Variants in EPCAM observed in about 807,000 individuals in gnomAD.
EPCAM encodes epithelial cell adhesion molecule, also known as adenocarcinoma-associated antigen.
EPCAM carries 39 observed loss-of-function variants against 40.0 expected under a neutral mutation model. That is an observed-to-expected ratio of 0.98 (90% CI 0.76 to 1.27). EPCAM has a LOEUF of 1.27. Ranked by LOEUF, EPCAM falls within the 50% of genes most tolerant of loss-of-function variation. The pLI, the probability that EPCAM is intolerant of heterozygous loss-of-function variation, is 0.00. For missense variants in EPCAM, 503 were observed against 381.2 expected (o/e 1.32, Z -2.66); for synonymous variants, 168 against 132.3 (o/e 1.27, Z -1.85).
chr2:47,376,828 G>A (rs1671439770), intron 4 of EPCAM, among the ~76,000 whole-genome samples, 186 bp from the exon 5 acceptor site: 1 of 152,144 alleles, frequency 6.6e-6, no homozygotes, highest in Non-Finnish European at 1.5e-5. Context: ...CTGGTACCCA[G>A]CAGTTTGAAT....
At position 47,385,203 on chromosome 2, in the gene EPCAM, A is replaced by T; in HGVS notation, c.896A>T (p.Lys299Met). 1 of 1,612,538 alleles carries T rather than the reference A, an allele frequency of 6.2e-7. No homozygotes were observed. Among genetic ancestry groups the T allele is most frequent in the Non-Finnish European group, 8.5e-7 (1 of 1,178,698 alleles). The change falls in exon 8 of 9, where the codon AAG becomes ATG. Residue 299 changes from lysine (K) to methionine (M), a missense_variant. Physicochemically the swap from Lys to Met is moderately conservative, Grantham distance 95. Transcript: ENST00000263735. ...AAGAAGAGAATGGCAAAGTATGAGA[A>T]GGCTGAGGTAAATGGATTACTTACC... ...SRKKRMAKYE[K>M]AEIKEMGEMH... is the part of the protein sequence containing the mutation.
chr2:47,372,598 C>G (rs1305531145), intron 1 of EPCAM, among the ~76,000 whole-genome samples: 1 of 151,988 alleles, frequency 6.6e-6, no homozygotes, highest in East Asian at 1.9e-4. Flanking sequence ...ATGCTGAAAC[C>G]CCGTCTCTAC....
intron 7 of EPCAM, among the ~76,000 whole-genome samples, chr2:47,382,351 C>T (rs1274069914): frequency 6.6e-6 from 1 of 151,952 alleles, no homozygotes; most frequent in Non-Finnish European, 1.5e-5. Context: ...AACACAAGTG[C>T]AATAAGGAAG....
At chr2:47,376,740 C>G (rs573198526) in intron 4 of EPCAM, among the ~76,000 whole-genome samples, 1 of 152,262 alleles carries the variant, frequency 6.6e-6, no homozygotes, top group African/African-American at 2.4e-5. Context: ...TGTGAAGTTA[C>G]CATTCTCCCT....
In EPCAM at chr2:47,373,853, A is replaced by T. The variant is rs1240280031; in HGVS notation, c.230A>T (p.Lys77Ile). ...ATGAAGGCAGAAATGAATGGCTCAA[A>T]ACTTGGGAGAAGAGCAAAACCTGAA... ...LVMKAEMNGS[K>I]LGRRAKPEGA... The change falls in exon 3 of 9, where the codon AAA becomes ATA. Residue 77 changes from lysine to isoleucine, a missense_variant. Physicochemically the swap from Lys to Ile is moderately radical, Grantham distance 102. Transcript: ENST00000263735. 1 of 1,614,126 alleles carries T rather than the reference A, an allele frequency of 6.2e-7. No homozygotes were observed. The highest frequency in any genetic ancestry group is 1.7e-5 in the Admixed American group (1 of 59,994).
intron 3 of EPCAM, 24 bp from the exon 4 acceptor site, chr2:47,375,210 T>G (rs1671390653): frequency 6.5e-7 from 1 of 1,533,880 alleles, no homozygotes; most frequent in African/African-American, 1.4e-5. Flanking sequence ...TATAGTCAAC[T>G]GACATTGTCT....
At chr2:47,385,508 A>C (rs894460043) in intron 8 of EPCAM, among the ~76,000 whole-genome samples, 1 of 152,222 alleles carries the variant, frequency 6.6e-6, no homozygotes, top group Non-Finnish European at 1.5e-5. Context: ...CAGTGGATTC[A>C]CCTTGGAGAA....
intron 7 of EPCAM, among the ~76,000 whole-genome samples, chr2:47,381,044 C>T (rs924916348): frequency 2.4e-5 from 3 of 127,050 alleles, no homozygotes; most frequent in Non-Finnish European, 4.7e-5. Context: ...CAAGATCATG[C>T]CACTGCACTC....
At chr2:47,371,827 T>G (rs1671277956) in intron 1 of EPCAM, among the ~76,000 whole-genome samples, 1 of 152,180 alleles carries the variant, frequency 6.6e-6, no homozygotes, top group Non-Finnish European at 1.5e-5. Context: ...TAAAGGTGGT[T>G]CATATCGACT....
rs769189083 is a variant in EPCAM, at chr2:47,375,282, T to C, written c.474T>C (p.Asp158=). ...LKHKAREKPY[D]SKSLRTALQK... Reference sequence around the variant, plus strand: ...ACAAAGCAAGAGAAAAACCTTATGATAGTAAAAGTTTGCGGACGTAAGTGC... The same window carrying C: ...ACAAAGCAAGAGAAAAACCTTATGACAGTAAAAGTTTGCGGACGTAAGTGC... Residue 158 remains aspartate (D), a synonymous_variant, in exon 4 of 9, where the codon GAT becomes GAC. Coordinates refer to ENST00000263735, the MANE Select transcript of EPCAM (RefSeq NM_002354.3). 6 of 1,612,056 alleles carry C rather than the reference T, an allele frequency of 3.7e-6. No individual in the cohort carries two copies. Among genetic ancestry groups the C allele is most frequent in the Non-Finnish European group, 5.1e-6 (6 of 1,178,196 alleles).
chr2:47,370,552 G>C (rs1205545358), intron 1 of EPCAM, among the ~76,000 whole-genome samples: 1 of 150,562 alleles, frequency 6.6e-6, no homozygotes, highest in East Asian at 2.0e-4. Flanking sequence ...TGTGATTACA[G>C]GCGTGAGCCA....
intron 3 of EPCAM, among the ~76,000 whole-genome samples, chr2:47,374,337 T>G (rs1671366766): frequency 6.6e-6 from 1 of 152,228 alleles, no homozygotes; most frequent in South Asian, 2.1e-4. Flanking sequence ...TTCTTTTATA[T>G]CTTTACTTAA....
In EPCAM at chr2:47,373,150, A is replaced by G. The variant is rs562699499; in HGVS notation, c.77-313A>G. On this transcript the variant is annotated intron_variant, in intron 1 of 8. Coordinates refer to ENST00000263735, the MANE Select transcript of EPCAM (RefSeq NM_002354.3). ...AGCCCTGTAGGTCCATGCTGCAGTA[A>G]ACCAAGATTGTGCCACTGCATTCCA... Among the ~76,000 whole-genome samples the G allele has an allele frequency of 2.0e-5, 3 of 150,470 alleles. No homozygotes were observed. The South Asian group carries it at 6.4e-4, about 32-fold the overall frequency.
chr2:47,381,415 A>G (rs1671585709), intron 7 of EPCAM, among the ~76,000 whole-genome samples: 1 of 146,058 alleles, frequency 6.8e-6, no homozygotes, highest in Admixed American at 6.8e-5. Context: ...AAAAAAAAGA[A>G]ATCTTACTAA....
Position 47,378,986 on chromosome 2 carries a change from C to G in EPCAM, c.589C>G (p.Gln197Glu), listed in dbSNP as rs2103757072. ...TAATGTTATCACTATTGATCTGGTT[C>G]AAAATTCTTCTCAAAAAACTCAGAA... Reference protein sequence around the residue: ...ENNVITIDLVQNSSQKTQNDV... With the variant: ...ENNVITIDLVENSSQKTQNDV... Residue 197 changes from glutamine to glutamate, a missense_variant, in exon 6 of 9, where the codon CAA becomes GAA. Physicochemically the swap from Gln to Glu is conservative, Grantham distance 29 (BLOSUM62 2). Transcript: ENST00000263735. The G allele has an allele frequency of 1.9e-6, 3 of 1,597,854 alleles. No individual in the cohort carries two copies. The highest frequency in any genetic ancestry group is 2.2e-5 in the East Asian group (1 of 44,738).
At chr2:47,382,873 A>G (rs1671629019) in intron 7 of EPCAM, among the ~76,000 whole-genome samples, 1 of 152,182 alleles carries the variant, frequency 6.6e-6, no homozygotes, top group Admixed American at 6.5e-5. Flanking sequence ...ACAGGTGGTG[A>G]TGATACTGCA....
At chr2:47,369,803 C>T (rs945243291) in intron 1 of EPCAM, 5 of 681,822 alleles carry the variant, frequency 7.3e-6, no homozygotes, top group African/African-American at 1.8e-5. Context: ...CAGCTTTGCT[C>T]GCCTTGGTAG....
Position 47,369,570 on chromosome 2 carries a change from C to T in EPCAM, c.65C>T (p.Ala22Val), listed in dbSNP as rs894237303. 6.3e-7 allele frequency: 1 copy of T among 1,589,890 alleles called. No individual in the cohort carries two copies. Among genetic ancestry groups the T allele is most frequent in the South Asian group, 1.1e-5 (1 of 87,060 alleles). ...LLAAATATFA[A>V]AQEECVCENY... Reference sequence around the variant, plus strand: ...GCCGCGGCGACGGCGACTTTTGCCGCAGCTCAGGAAGGTGAGGCGCGGATT... The same window carrying T: ...GCCGCGGCGACGGCGACTTTTGCCGTAGCTCAGGAAGGTGAGGCGCGGATT... Residue 22 changes from alanine to valine, a missense_variant, in exon 1 of 9, where the codon GCA becomes GTA. Coordinates refer to ENST00000263735, the MANE Select transcript of EPCAM (RefSeq NM_002354.3).
At chr2:47,377,135 G>A in intron 5 of EPCAM, 58 bp downstream of exon 5, 1 of 1,132,432 alleles carries the variant, frequency 8.8e-7, no homozygotes, top group Non-Finnish European at 1.4e-6. Context: ...TATGTTTTGA[G>A]TATAAGGACA....
Sources: allele counts gnomAD v4.1 joint callset (sites outside exome capture counted in the v4.1 genomes callset), GRCh38; gene constraint gnomAD v4.1.1; transcripts MANE v1.5; gene names NCBI Gene and HGNC (gene_info 2026-07-23, HGNC 2026-07-21).